ITPRID1: variants seen among roughly 807,000 people sequenced by gnomAD.
ITPRID1 encodes ITPR interacting domain containing 1.
A neutral mutation model predicts 95.4 loss-of-function variants in ITPRID1; 96 were observed. That is an observed-to-expected ratio of 1.01 (90% CI 0.85 to 1.19). The LOEUF (loss-of-function observed/expected upper bound fraction) is 1.19. ITPRID1 is among the 50% of genes most tolerant of loss of function. The pLI is 0.00. For missense variants in ITPRID1, 1,339 were observed against 1,252.9 expected (o/e 1.07, Z -1.04); for synonymous variants, 510 against 453.6 (o/e 1.12, Z -1.58).
chr7:31,634,853 G>A (rs1230217760), intron 10 of ITPRID1, among the ~76,000 whole-genome samples: 1 of 152,206 alleles, frequency 6.6e-6, no homozygotes, highest in Non-Finnish European at 1.5e-5. Context: ...CTGGAGCAGA[G>A]TAAGGAAGAA....
Position 31,578,193 on chromosome 7 carries a change from C to G in ITPRID1, c.929C>G (p.Ser310Cys), listed in dbSNP as rs373943918. The G allele has an allele frequency of 6.2e-7, 1 of 1,613,578 alleles. No individual in the cohort carries two copies. The highest frequency in any genetic ancestry group is 8.5e-7 in the Non-Finnish European group (1 of 1,179,778). Residue 310 changes from serine (S) to cysteine (C), a missense_variant, in exon 9 of 15, where the codon TCT (serine) becomes TGT (cysteine). By Grantham distance (112) the Ser-to-Cys change is moderately radical. Transcript: ENST00000615280. ...TSINHKQNHL[S>C]LSVEHQSLQA... is the part of the protein sequence containing the mutation. ...ATCAACCACAAGCAAAATCATTTGT[C>G]TCTGTCAGTAGAACATCAGTCTCTC...
chr7:31,599,585 T>TTTTCTTTCTTTC lies in ITPRID1; in HGVS notation c.1228+16446_1228+16457dup, dbSNP rs527461356. 3.3e-3 allele frequency among the ~76,000 whole-genome samples: 376 copies of TTTTCTTTCTTTC among 112,890 alleles called. 4 individuals are homozygous for TTTTCTTTCTTTC. Among genetic ancestry groups the TTTTCTTTCTTTC allele is most frequent in the East Asian group, 7.7e-3 (28 of 3,628 alleles). 74.1% of individuals were successfully genotyped at this position (112,890 alleles called of 152,430 possible). A position where few individuals can be genotyped will look rare whatever the true frequency, so the allele number is the denominator to read the frequency against. On this transcript the variant is annotated intron_variant, in intron 10 of 14. Transcript: ENST00000615280. ...TGAAGAATATGTATTTGTTGTGTTATTTTCTTTCTTTCTTTCTTTCTTTCT... is the reference window on the plus strand; with the variant it reads ...TGAAGAATATGTATTTGTTGTGTTATTTTCTTTCTTTCTTTCTTTCTTTCTTTCTTTCTTTCT...
intron 10 of ITPRID1, among the ~76,000 whole-genome samples, chr7:31,585,048 A>G (rs1487832377): frequency 6.6e-6 from 1 of 152,220 alleles, no homozygotes; most frequent in African/African-American, 2.4e-5. Flanking sequence ...TCTGGTGGAC[A>G]GTGCTGCATG....
rs145385171 is a variant in ITPRID1 at position 31,584,014 on chromosome 7, G to A, written c.1228+823G>A. The stretch of plus-strand genomic sequence containing the variant: ...AGGTTCCCTAGATGTAGCTTTGCAA[G>A]TCTTCTCTCAGAATGATGCTTTATC... On this transcript the variant is annotated intron_variant, in intron 10 of 14. Coordinates refer to ENST00000615280, the MANE Select transcript of ITPRID1 (RefSeq NM_001257967.3). Among the ~76,000 whole-genome samples the A allele has an allele frequency of 1.5e-3, 228 of 152,296 alleles. 2 individuals are homozygous for A. Among genetic ancestry groups the A allele is most frequent in the African/African-American group, 5.1e-3 (211 of 41,566 alleles).
intron 10 of ITPRID1, among the ~76,000 whole-genome samples, chr7:31,641,217 C>T (rs925344393): frequency 3.3e-5 from 5 of 152,188 alleles, no homozygotes; most frequent in South Asian, 2.1e-4. Flanking sequence ...TTGAACTCTT[C>T]GTCAGCAGTT....
chr7:31,543,778 A>G (rs754050941), intron 1 of ITPRID1, among the ~76,000 whole-genome samples: 1 of 152,092 alleles, frequency 6.6e-6, no homozygotes, highest in Admixed American at 6.6e-5. Flanking sequence ...CATGGAGATC[A>G]TCGTATCACT....
chr7:31,646,053 G>A (rs926551302), intron 12 of ITPRID1, among the ~76,000 whole-genome samples: 14 of 152,166 alleles, frequency 9.2e-5, no homozygotes, highest in African/African-American at 2.9e-4. Flanking sequence ...AAGGCTGGTT[G>A]TTGGTCTAAC....
chr7:31,568,736 C>T (rs988008571), intron 5 of ITPRID1, among the ~76,000 whole-genome samples: 1 of 152,218 alleles, frequency 6.6e-6, no homozygotes, highest in African/African-American at 2.4e-5. Context: ...CATTCAGCAT[C>T]ATCTTTCTCA....
chr7:31,522,941 C>T (rs142313535), intron 1 of ITPRID1, among the ~76,000 whole-genome samples: 171 of 152,238 alleles, frequency 1.1e-3, no homozygotes, highest in African/African-American at 3.9e-3. Flanking sequence ...ATATAATGTA[C>T]GTATTCAAAT....
At chr7:31,576,819 C>T (rs561216440) in intron 8 of ITPRID1, among the ~76,000 whole-genome samples, 3 of 152,322 alleles carry the variant, frequency 2.0e-5, no homozygotes, top group Middle Eastern at 3.4e-3. Flanking sequence ...TGCAACCCCA[C>T]ATGCTATCAC....
chr7:31,632,355 G>C (rs1382488958), intron 10 of ITPRID1, among the ~76,000 whole-genome samples: 1 of 152,164 alleles, frequency 6.6e-6, no homozygotes, highest in Non-Finnish European at 1.5e-5. Flanking sequence ...GGCTGAAACA[G>C]GAGAATCGCT....
At chr7:31,592,120 G>A (rs1785891154) in intron 10 of ITPRID1, among the ~76,000 whole-genome samples, 1 of 152,130 alleles carries the variant, frequency 6.6e-6, no homozygotes, top group South Asian at 2.1e-4. Context: ...CTCTTTTTAT[G>A]CGTAAGGGCA....
rs555963575 is a variant in ITPRID1 at position 31,521,007 on chromosome 7, T to C, written c.-98+6887T>C. 6.6e-5 allele frequency among the ~76,000 whole-genome samples: 10 copies of C among 152,046 alleles called. No individual in the cohort carries two copies. In the South Asian group the frequency reaches 1.0e-3, roughly 16 times the overall value. On this transcript the variant is annotated intron_variant, in intron 1 of 14. Coordinates refer to ENST00000615280, the MANE Select transcript of ITPRID1 (RefSeq NM_001257967.3). ...CATTTCTGGCTAGAAATTTGTCCATTTTATTGTTCTTTTTGAAAAATAAGG... is the reference window on the plus strand; with the variant it reads ...CATTTCTGGCTAGAAATTTGTCCATCTTATTGTTCTTTTTGAAAAATAAGG...
intron 10 of ITPRID1, among the ~76,000 whole-genome samples, chr7:31,637,410 CTT>C (rs1233029714): frequency 1.3e-5 from 2 of 152,124 alleles, no homozygotes; most frequent in African/African-American, 4.8e-5. Context: ...TGTTTCCTGA[CTT>C]TTTAATGATC....
chr7:31,582,112 T>C (rs1785425585), intron 9 of ITPRID1, among the ~76,000 whole-genome samples: 1 of 152,190 alleles, frequency 6.6e-6, no homozygotes, highest in South Asian at 2.1e-4. Flanking sequence ...TAATATGACA[T>C]GTAGAACAGA....
rs752464029 is a variant in ITPRID1 at position 31,643,674 on chromosome 7, C to A, written c.2304C>A (p.Ser768Arg). ...CTTCCATTCAGACTTCAGCTCTAAGCAACAAGACCTTGACACATGGGCCCC... is the reference window on the plus strand; with the variant it reads ...CTTCCATTCAGACTTCAGCTCTAAGAAACAAGACCTTGACACATGGGCCCC... Reference protein sequence around the residue: ...NDASIQTSALSNKTLTHGPQP... With the variant: ...NDASIQTSALRNKTLTHGPQP... Residue 768 changes from serine (S) to arginine (R), a missense_variant, in exon 12 of 15, where the codon AGC becomes AGA. Transcript: ENST00000615280. 3.7e-6 allele frequency: 6 copies of A among 1,613,944 alleles called. No homozygotes were observed. Among genetic ancestry groups the A allele is most frequent in the Non-Finnish European group, 5.1e-6 (6 of 1,179,910 alleles).
intron 9 of ITPRID1, among the ~76,000 whole-genome samples, 174 bp from the exon 10 acceptor site, chr7:31,582,960 T>A (rs1331057405): frequency 6.6e-6 from 1 of 152,206 alleles, no homozygotes; most frequent in African/African-American, 2.4e-5. Context: ...ACTTCTTTAA[T>A]TCTTTGAATC....
intron 2 of ITPRID1, among the ~76,000 whole-genome samples, chr7:31,550,053 A>T (rs538839168): frequency 1.3e-5 from 2 of 152,280 alleles, no homozygotes; most frequent in African/African-American, 4.8e-5. Flanking sequence ...AATTAATGTA[A>T]CAGAGCCATT....
chr7:31,636,609 G>T (rs1461919720), intron 10 of ITPRID1, among the ~76,000 whole-genome samples: 1 of 152,040 alleles, frequency 6.6e-6, no homozygotes, highest in Non-Finnish European at 1.5e-5. Flanking sequence ...CTGGGAGTGG[G>T]AGTGAGAAGT....
Sources: gnomAD v4.1 joint callset for allele counts (sites outside exome capture counted in the v4.1 genomes callset) on GRCh38, gnomAD v4.1.1 for gene constraint, MANE v1.5 for transcripts, NCBI Gene and HGNC (gene_info 2026-07-23, HGNC 2026-07-21) for gene names.